Variants in ABCG8 observed in about 807,000 individuals in gnomAD.
ABCG8 encodes the protein ATP-binding cassette sub-family G member 8.
A neutral mutation model predicts 71.3 loss-of-function variants in ABCG8; 81 were observed. The observed-to-expected ratio is 1.14, with a 90% CI of 0.95 to 1.37. ABCG8 has a LOEUF of 1.37. Ranked by LOEUF, ABCG8 falls within the 40% of genes most tolerant of loss-of-function variation. ABCG8 has a pLI of 0.00. For missense variants in ABCG8, 1,119 were observed against 866.2 expected (o/e 1.29, Z -3.66); for synonymous variants, 451 against 354.7 (o/e 1.27, Z -3.05).
At chr2:43,866,522 A>C (rs1229672040) in intron 6 of ABCG8, among the ~76,000 whole-genome samples, 1 of 152,090 alleles carries the variant, frequency 6.6e-6, no homozygotes, top group African/African-American at 2.4e-5. Flanking sequence ...AACCCCATCA[A>C]AAAGTGGGCG....
chr2:43,839,125 G>T lies in ABCG8; in HGVS notation c.63+9G>T. ...CTCCCCAGGATACCTCGGTGAGTGAGCAATGGGAAGTCGGCCCAGGCCTGG... is the reference window on the plus strand; with the variant it reads ...CTCCCCAGGATACCTCGGTGAGTGATCAATGGGAAGTCGGCCCAGGCCTGG... On this transcript the variant is annotated intron_variant, in intron 1 of 12. Coordinates refer to ENST00000272286, the MANE Select transcript of ABCG8 (RefSeq NM_022437.3). 5.2e-6 allele frequency: 8 copies of T among 1,551,164 alleles called. No homozygotes were observed. The highest frequency in any genetic ancestry group is 7.0e-6 in the Non-Finnish European group (8 of 1,146,750).
intron 3 of ABCG8, chr2:43,846,699 G>C (rs1572826666): frequency 3.2e-6 from 1 of 316,580 alleles, no homozygotes; most frequent in Non-Finnish European, 6.2e-6. Context: ...ATTATGGCCA[G>C]ACAGCCCCTG....
At position 43,882,358 on chromosome 2, in the gene ABCG8, C is replaced by T. The variant is rs963562820; in HGVS notation, c.*4445C>T. ...TTAACAGACCTGGGACCAGGGGTTCCTCATAGTGGCTTAGCACAGCATACA... is the reference window on the plus strand; with the variant it reads ...TTAACAGACCTGGGACCAGGGGTTCTTCATAGTGGCTTAGCACAGCATACA... On this transcript the variant is annotated 3_prime_UTR_variant, in exon 13 of 13. Coordinates refer to ENST00000272286, the MANE Select transcript of ABCG8 (RefSeq NM_022437.3). The T allele has an allele frequency of 1.3e-5, 2 of 152,206 alleles. No individual in the cohort carries two copies. 9.4% of individuals were successfully genotyped at this position (152,206 alleles called of 1,614,324 possible).
intron 3 of ABCG8, chr2:43,847,144 G>C (rs538233228): frequency 1.4e-4 from 22 of 152,488 alleles, no homozygotes; most frequent in Middle Eastern, 3.4e-3. Context: ...CTCGGATCAA[G>C]ACATTTCTCC....
chr2:43,859,128 G>T (rs531012395), intron 6 of ABCG8, among the ~76,000 whole-genome samples: 15 of 151,292 alleles, frequency 9.9e-5, no homozygotes, highest in Non-Finnish European at 1.9e-4. Flanking sequence ...TGTCTGGATA[G>T]AATTCTCACC....
chr2:43,858,888 C>G (rs768231900), intron 6 of ABCG8, among the ~76,000 whole-genome samples: 51 of 151,620 alleles, frequency 3.4e-4, no homozygotes, highest in Admixed American at 7.9e-4. Flanking sequence ...AGATAGAACT[C>G]TCACTATCTG....
chr2:43,873,715 A>C, intron 8 of ABCG8, 72 bp from the exon 9 acceptor site: 2 of 1,485,980 alleles, frequency 1.3e-6, no homozygotes, highest in Non-Finnish European at 9.4e-7. Flanking sequence ...GCTTATGGAG[A>C]CTGTGACATT....
At chr2:43,855,832 C>T (rs888941527) in intron 6 of ABCG8, among the ~76,000 whole-genome samples, 2 of 152,038 alleles carry the variant, frequency 1.3e-5, no homozygotes, top group South Asian at 4.2e-4. Context: ...ATGGATAGAA[C>T]TCTCAGTGTA....
chr2:43,846,065 C>G, intron 2 of ABCG8, 90 bp from the exon 3 acceptor site: 1 of 1,422,880 alleles, frequency 7.0e-7, no homozygotes, highest in Non-Finnish European at 9.9e-7. Flanking sequence ...TGGAGAGGGG[C>G]CACCTGGGGA....
intron 1 of ABCG8, among the ~76,000 whole-genome samples, chr2:43,840,668 C>T (rs1015962156): frequency 4.6e-5 from 7 of 152,188 alleles, no homozygotes; most frequent in Non-Finnish European, 8.8e-5. Flanking sequence ...TTCCTCACAA[C>T]CTGAAAGGCC....
In ABCG8 at chr2:43,880,437, G is replaced by A. The variant is rs922053381; in HGVS notation, c.*2524G>A. On this transcript the variant is annotated 3_prime_UTR_variant, in exon 13 of 13. Coordinates refer to ENST00000272286, the MANE Select transcript of ABCG8 (RefSeq NM_022437.3). ...GATCTGCCTGCTTCGGCCTCCCAAA[G>A]TGTTGGGATTACAGGTGTGACCCAC... The A allele has an allele frequency of 6.6e-6, 1 of 152,212 alleles. No individual in the cohort carries two copies. Among genetic ancestry groups the A allele is most frequent in the Non-Finnish European group, 1.5e-5 (1 of 68,066 alleles). The allele number at this position is 152,212 out of a possible 1,614,324, so 9.4% of individuals were successfully genotyped here.
rs962301063 is a variant in ABCG8 at position 43,859,870 on chromosome 2, T to C, written c.964+7002T>C. On this transcript the variant is annotated intron_variant, in intron 6 of 12. Transcript: ENST00000272286. ...CTGGATAGAATTCTCACTCTCTGGA[T>C]AGAACTCTCACTATCTATCTGGATA... Among the ~76,000 whole-genome samples, 19 of 151,700 alleles carry C rather than the reference T, an allele frequency of 1.3e-4. No homozygotes were observed. The South Asian group carries it at 3.5e-3, about 28-fold the overall frequency.
rs1670089297 is a variant in ABCG8, at chr2:43,880,141, T to G, written c.*2228T>G. On this transcript the variant is annotated 3_prime_UTR_variant, in exon 13 of 13. Coordinates refer to ENST00000272286, the MANE Select transcript of ABCG8 (RefSeq NM_022437.3). The stretch of plus-strand genomic sequence containing the variant: ...TATGTCCTCATCATCCTTTGAGGGC[T>G]GAAACAACCAAGAGTTTCAGGCTCA... 1 of 151,044 alleles carries G rather than the reference T, an allele frequency of 6.6e-6. No homozygotes were observed. Among genetic ancestry groups the G allele is most frequent in the Non-Finnish European group, 1.5e-5 (1 of 67,906 alleles). The allele number at this position is 151,044 out of a possible 1,614,324, so 9.4% of individuals were successfully genotyped here.
chr2:43,862,015 G>C, intron 6 of ABCG8, among the ~76,000 whole-genome samples: 1 of 148,506 alleles, frequency 6.7e-6, no homozygotes, highest in East Asian at 2.0e-4. Flanking sequence ...TAGAACTCTC[G>C]CTATCTGTCT....
chr2:43,866,913 A>G (rs1274076372), intron 6 of ABCG8, among the ~76,000 whole-genome samples: 1 of 150,972 alleles, frequency 6.6e-6, no homozygotes, highest in Non-Finnish European at 1.5e-5. Flanking sequence ...TTATTGCGGC[A>G]TTATTCACAA....
intron 1 of ABCG8, among the ~76,000 whole-genome samples, chr2:43,839,778 G>A (rs1270643900): frequency 6.6e-6 from 1 of 152,108 alleles, no homozygotes; most frequent in South Asian, 2.1e-4. Flanking sequence ...ACATGCCAGG[G>A]ACTCCACTGG....
At chr2:43,851,923 C>A in intron 4 of ABCG8, 101 bp downstream of exon 4, 2 of 1,338,746 alleles carry the variant, frequency 1.5e-6, no homozygotes, top group Non-Finnish European at 2.1e-6. Context: ...AGCCGCAGGT[C>A]GAGTTTGAAC....
intron 1 of ABCG8, among the ~76,000 whole-genome samples, chr2:43,841,073 G>A (rs1668568725): frequency 6.6e-6 from 1 of 152,348 alleles, no homozygotes; most frequent in South Asian, 2.1e-4. Context: ...GCAGCAGGCA[G>A]AGCTGTGTGT....
At position 43,877,560 on chromosome 2, in the gene ABCG8, G is replaced by C. The variant is rs536782190; in HGVS notation, c.1757-1G>C. 2.5e-6 allele frequency: 4 copies of C among 1,613,846 alleles called. No individual in the cohort carries two copies. In the African/African-American group the frequency reaches 5.3e-5, roughly 22 times the overall value. ...TGAGTAACGCGGCTGTCTGTCTCCAGTGCCCGCGTGGATTTCCAAAGTGTC... is the reference window on the plus strand; with the variant it reads ...TGAGTAACGCGGCTGTCTGTCTCCACTGCCCGCGTGGATTTCCAAAGTGTC... On this transcript the variant is annotated splice_acceptor_variant, in intron 11 of 12. Transcript: ENST00000272286. LOFTEE classifies it high-confidence loss of function.
Sources: allele counts gnomAD v4.1 joint callset (sites outside exome capture counted in the v4.1 genomes callset), GRCh38; gene constraint gnomAD v4.1.1; transcripts MANE v1.5; gene names NCBI Gene and HGNC (gene_info 2026-07-23, HGNC 2026-07-21).